AMPH: variants seen among roughly 807,000 people sequenced by gnomAD.
AMPH encodes the protein amphiphysin, also known as amphiphysin (Stiff-Mann syndrome with breast cancer 128kD autoantigen).
Under a neutral mutation model 99.1 loss-of-function variants are expected in AMPH, and 49 were observed. The ratio of observed to expected loss-of-function variants is 0.49; its 90% CI spans 0.39 to 0.63. AMPH has a LOEUF of 0.63. AMPH is among the 20% of genes least tolerant of loss of function. The pLI is 0.00. For missense variants in AMPH, 759 were observed against 863.4 expected (o/e 0.88, Z 1.52); for synonymous variants, 314 against 317.3 (o/e 0.99, Z 0.11).
At position 38,544,403 on chromosome 7, in the gene AMPH, G is replaced by A. The variant is rs1435292555; in HGVS notation, c.70-9392C>T. On this transcript the variant is annotated intron_variant, in intron 1 of 20. Coordinates refer to ENST00000356264, the MANE Select transcript of AMPH (RefSeq NM_001635.4). ...GCCACCAAGGTGTCCCATAGGAGCAGCAGGAAAACACAAATGACCATGGCC... is the reference window on the plus strand; with the variant it reads ...GCCACCAAGGTGTCCCATAGGAGCAACAGGAAAACACAAATGACCATGGCC... 2.0e-5 allele frequency among the ~76,000 whole-genome samples: 3 copies of A among 152,304 alleles called. No individual in the cohort carries two copies. The East Asian group carries it at 5.8e-4, about 29-fold the overall frequency.
chr7:38,417,742 G>C, intron 17 of AMPH, 83 bp downstream of exon 17: 2 of 1,543,800 alleles, frequency 1.3e-6, no homozygotes, highest in Non-Finnish European at 1.8e-6. Flanking sequence ...GTGAGGCAAA[G>C]ATGAGAGCGA....
At chr7:38,619,311 G>T (rs909199391) in intron 1 of AMPH, among the ~76,000 whole-genome samples, 1 of 152,150 alleles carries the variant, frequency 6.6e-6, no homozygotes, top group African/African-American at 2.4e-5. Flanking sequence ...AGACAAAGAA[G>T]GACATTTAAT....
At chr7:38,548,619 A>G (rs1005327695) in intron 1 of AMPH, among the ~76,000 whole-genome samples, 2 of 152,148 alleles carry the variant, frequency 1.3e-5, no homozygotes, top group East Asian at 1.9e-4. Flanking sequence ...TTAAGAGAGG[A>G]GGTTTAATAG....
chr7:38,542,729 G>C (rs1790852155), intron 1 of AMPH, among the ~76,000 whole-genome samples: 2 of 152,122 alleles, frequency 1.3e-5, no homozygotes, highest in South Asian at 4.1e-4. Flanking sequence ...GCGATGCCAG[G>C]AGAATTGCCT....
chr7:38,542,972 T>C (rs1778350070), intron 1 of AMPH, among the ~76,000 whole-genome samples: 1 of 151,968 alleles, frequency 6.6e-6, no homozygotes, highest in South Asian at 2.1e-4. Flanking sequence ...TGCACGCCTA[T>C]AGTCCCAGCT....
At chr7:38,521,510 G>T (rs1407662152) in intron 2 of AMPH, among the ~76,000 whole-genome samples, 1 of 152,114 alleles carries the variant, frequency 6.6e-6, no homozygotes, top group African/African-American at 2.4e-5. Context: ...GACAGAGCAA[G>T]ACTCTGTCTC....
chr7:38,525,597 C>T lies in AMPH; in HGVS notation c.150+9334G>A, dbSNP rs111425104. Reference sequence around the variant, plus strand: ...TTGTATTGACTTTTTATAACCACATCGACCCCAAACCCCCCTCACTCACTC... The same window carrying T: ...TTGTATTGACTTTTTATAACCACATTGACCCCAAACCCCCCTCACTCACTC... On this transcript the variant is annotated intron_variant, in intron 2 of 20. Transcript: ENST00000356264. 1.8e-3 allele frequency among the ~76,000 whole-genome samples: 272 copies of T among 152,042 alleles called. 2 individuals are homozygous for T. In the Middle Eastern group the frequency reaches 0.027, roughly 15 times the overall value.
rs569154136 is a variant in AMPH at position 38,571,660 on chromosome 7, T to C, written c.70-36649A>G. 8.3e-5 allele frequency among the ~76,000 whole-genome samples: 12 copies of C among 144,524 alleles called. No individual in the cohort carries two copies. In the East Asian group the frequency reaches 2.3e-3, roughly 28 times the overall value. 94.8% of individuals were successfully genotyped at this position (144,524 alleles called of 152,430 possible). Reference sequence around the variant, plus strand: ...TGTACAATGTGTTTGTTTGGAGCTGTTATTACAAAAAACCTCTAAAAATTA... The same window carrying C: ...TGTACAATGTGTTTGTTTGGAGCTGCTATTACAAAAAACCTCTAAAAATTA... On this transcript the variant is annotated intron_variant, in intron 1 of 20. Transcript: ENST00000356264.
At chr7:38,518,416 A>G (rs1364280348) in intron 2 of AMPH, among the ~76,000 whole-genome samples, 1 of 152,188 alleles carries the variant, frequency 6.6e-6, no homozygotes, top group Non-Finnish European at 1.5e-5. Context: ...TGAGCCTAGC[A>G]AAGTCACGGG....
intron 15 of AMPH, among the ~76,000 whole-genome samples, chr7:38,422,808 C>A (rs990803038): frequency 6.6e-6 from 1 of 152,060 alleles, no homozygotes; most frequent in African/African-American, 2.4e-5. Context: ...TTTGTATAGA[C>A]AGCGTTTCAT....
At chr7:38,598,787 T>A (rs917857814) in intron 1 of AMPH, among the ~76,000 whole-genome samples, 1 of 152,206 alleles carries the variant, frequency 6.6e-6, no homozygotes, top group African/African-American at 2.4e-5. Flanking sequence ...GTACTTTAAC[T>A]GATTAATTTT....
intron 1 of AMPH, among the ~76,000 whole-genome samples, chr7:38,540,274 T>C (rs1429776122): frequency 6.6e-6 from 1 of 152,216 alleles, no homozygotes; most frequent in Non-Finnish European, 1.5e-5. Flanking sequence ...TTGTTACTTT[T>C]AGTGCTGCTG....
Position 38,436,280 on chromosome 7 carries a change from T to G in AMPH, c.1126A>C (p.Met376Leu). 6.2e-7 allele frequency: 1 copy of G among 1,613,734 alleles called. No individual in the cohort carries two copies. Among genetic ancestry groups the G allele is most frequent in the Non-Finnish European group, 8.5e-7 (1 of 1,179,618 alleles). Residue 376 changes from methionine to leucine, a missense_variant, in exon 12 of 21, where the codon ATG (methionine) becomes CTG (leucine). Physicochemically the swap from Met to Leu is conservative, Grantham distance 15. Transcript: ENST00000356264. ...AGSAGVTHSPMSQTLPWDLWT... is the reference protein window; with the variant it reads ...AGSAGVTHSPLSQTLPWDLWT... Reference sequence around the variant, plus strand: ...CAAAAAGCACCTGATACCTGAGACATGGGTGAGTGGGTCACTCCAGCAGAA... The same window carrying G: ...CAAAAAGCACCTGATACCTGAGACAGGGGTGAGTGGGTCACTCCAGCAGAA...
intron 2 of AMPH, among the ~76,000 whole-genome samples, chr7:38,511,634 C>CA (rs1381862615): frequency 4.6e-5 from 7 of 152,182 alleles, no homozygotes; most frequent in Non-Finnish European, 8.8e-5. Flanking sequence ...GACAGATACT[C>CA]AGTTTTCTCA....
At chr7:38,534,891 A>T in intron 2 of AMPH, 40 bp downstream of exon 2, 1 of 1,558,112 alleles carries the variant, frequency 6.4e-7, no homozygotes, top group Non-Finnish European at 8.8e-7. Flanking sequence ...AAACACATTT[A>T]AACAATTTCC....
intron 1 of AMPH, among the ~76,000 whole-genome samples, chr7:38,590,816 C>T (rs530124103): frequency 7.2e-5 from 11 of 152,204 alleles, no homozygotes; most frequent in African/African-American, 2.6e-4. Context: ...AGTGGGATAA[C>T]TCAAAAGGTG....
At chr7:38,572,947 A>T (rs1354153960) in intron 1 of AMPH, among the ~76,000 whole-genome samples, 1 of 152,108 alleles carries the variant, frequency 6.6e-6, no homozygotes, top group Non-Finnish European at 1.5e-5. Flanking sequence ...CAGCATCCCC[A>T]ACAGCAAAAA....
At position 38,469,058 on chromosome 7, in the gene AMPH, G is replaced by C. The variant is rs1050410431; in HGVS notation, c.591-2810C>G. On this transcript the variant is annotated intron_variant, in intron 7 of 20. Transcript: ENST00000356264. ...AGTCCCAGCTACTCGGGAGGCTGAGGCAGGAGAATGGCGTGAACCCGGGAG... is the reference window on the plus strand; with the variant it reads ...AGTCCCAGCTACTCGGGAGGCTGAGCCAGGAGAATGGCGTGAACCCGGGAG... 3.6e-5 allele frequency among the ~76,000 whole-genome samples: 4 copies of C among 111,834 alleles called. No homozygotes were observed. The Admixed American group carries it at 4.1e-4, about 12-fold the overall frequency. The allele number at this position is 111,834 out of a possible 152,430, so 73.4% of individuals were successfully genotyped here.
chr7:38,523,416 G>A (rs1790048706), intron 2 of AMPH, among the ~76,000 whole-genome samples: 1 of 152,154 alleles, frequency 6.6e-6, no homozygotes, highest in African/African-American at 2.4e-5. Context: ...ATTTTGGCAA[G>A]GGAAAGCACA....
Sources: allele counts gnomAD v4.1 joint callset (sites outside exome capture counted in the v4.1 genomes callset), GRCh38; gene constraint gnomAD v4.1.1; transcripts MANE v1.5; gene names NCBI Gene and HGNC (gene_info 2026-07-23, HGNC 2026-07-21).